WSCD2: variants seen among roughly 807,000 people sequenced by gnomAD.
WSCD2 encodes the protein sialate:O-sulfotransferase 2.
Under a neutral mutation model 55.7 loss-of-function variants are expected in WSCD2, and 28 were observed. The observed-to-expected ratio is 0.50, with a 90% CI of 0.37 to 0.69. The LOEUF is 0.69. Ranked by LOEUF, WSCD2 falls within the 30% of genes least tolerant of loss-of-function variation. The pLI is 0.00. For missense variants in WSCD2, 616 were observed against 762.1 expected (o/e 0.81, Z 2.26); for synonymous variants, 301 against 301.9 (o/e 1.00, Z 0.03).
At chr12:108,170,550 G>C (rs1880129976) in intron 1 of WSCD2, among the ~76,000 whole-genome samples, 1 of 152,124 alleles carries the variant, frequency 6.6e-6, no homozygotes, top group Non-Finnish European at 1.5e-5. Flanking sequence ...TTATGAAAAA[G>C]GATCTATGGT....
At chr12:108,176,074 C>A (rs1004465505) in intron 1 of WSCD2, among the ~76,000 whole-genome samples, 1 of 152,102 alleles carries the variant, frequency 6.6e-6, no homozygotes, top group Non-Finnish European at 1.5e-5. Context: ...CTCCTGACCT[C>A]ATGATCCGCC....
intron 6 of WSCD2, 140 bp downstream of exon 6, chr12:108,227,304 AC>A: frequency 9.6e-7 from 1 of 1,042,360 alleles, no homozygotes; most frequent in Non-Finnish European, 1.4e-6. Flanking sequence ...GATGAACTCC[AC>A]CAGGCTTAGA....
rs2137104315 is a variant in WSCD2 at position 108,210,628 on chromosome 12, G to A, written c.682+323G>A. Among the ~76,000 whole-genome samples the A allele has an allele frequency of 6.6e-6, 1 of 152,324 alleles. No homozygotes were observed. The highest frequency in any genetic ancestry group is 2.4e-5 in the African/African-American group (1 of 41,566). ...GCCTTCCCATCCTGATTTTCTCAGAGCAGACTGTCTCTAATGATGATGATG... is the reference window on the plus strand; with the variant it reads ...GCCTTCCCATCCTGATTTTCTCAGAACAGACTGTCTCTAATGATGATGATG... On this transcript the variant is annotated intron_variant, in intron 4 of 8. Transcript: ENST00000547525. The surrounding 1 kb of genome is among the most constrained non-coding windows in gnomAD (Gnocchi z 4.3).
chr12:108,191,443 C>A (rs569721568), intron 1 of WSCD2, among the ~76,000 whole-genome samples: 1 of 152,114 alleles, frequency 6.6e-6, no homozygotes, highest in East Asian at 1.9e-4. Context: ...GTCTGGGATA[C>A]CTTTGAGGAT....
chr12:108,248,709 C>T lies in WSCD2; in HGVS notation c.*366C>T, dbSNP rs946746563. On this transcript the variant is annotated 3_prime_UTR_variant, in exon 9 of 9. Coordinates refer to ENST00000547525, the MANE Select transcript of WSCD2 (RefSeq NM_014653.4). This position sits in a 1 kb window ranked among gnomAD's most constrained non-coding sequence, Gnocchi z 4.3. ...TTGCTGGATGCCCCATGGCAATTGTCAAGGCTCTTGATGCAAGAGCCCAGG... is the reference window on the plus strand; with the variant it reads ...TTGCTGGATGCCCCATGGCAATTGTTAAGGCTCTTGATGCAAGAGCCCAGG... 4.9e-6 allele frequency: 5 copies of T among 1,027,754 alleles called. No homozygotes were observed. The highest frequency in any genetic ancestry group is 5.8e-6 in the Non-Finnish European group (5 of 854,852). The allele number at this position is 1,027,754 out of a possible 1,614,324, so 63.7% of individuals were successfully genotyped here.
intron 1 of WSCD2, among the ~76,000 whole-genome samples, chr12:108,177,065 C>T (rs1033726252): frequency 1.7e-4 from 26 of 152,182 alleles, no homozygotes; most frequent in Admixed American, 1.5e-3. Flanking sequence ...TTCTGCAAGC[C>T]ATCCCAGCTC....
intron 4 of WSCD2, among the ~76,000 whole-genome samples, chr12:108,218,766 T>C (rs1306119673): frequency 6.6e-6 from 1 of 152,124 alleles, no homozygotes; most frequent in Non-Finnish European, 1.5e-5. Flanking sequence ...CATACGGAGA[T>C]GACTTGTATA....
chr12:108,201,180 G>A (rs1307272892), intron 2 of WSCD2, among the ~76,000 whole-genome samples: 1 of 152,142 alleles, frequency 6.6e-6, no homozygotes, highest in Non-Finnish European at 1.5e-5. Context: ...TGAAGTCAGG[G>A]TGTTGGCAGG....
chr12:108,247,859 T>G (rs562052794), intron 8 of WSCD2, 132 bp from the exon 9 acceptor site: 312 of 1,069,838 alleles, frequency 2.9e-4, no homozygotes, highest in Non-Finnish European at 4.0e-4. Context: ...ACCTGGCCTG[T>G]ATTATTACAG....
intron 1 of WSCD2, among the ~76,000 whole-genome samples, chr12:108,184,386 G>T (rs77469450): frequency 0.031 from 4,728 of 152,336 alleles, 186 homozygotes; most frequent in African/African-American, 0.095. Context: ...GGGGATGGCA[G>T]TTATTTTTCA....
intron 1 of WSCD2, among the ~76,000 whole-genome samples, chr12:108,162,282 G>A (rs537150501): frequency 3.9e-5 from 6 of 152,236 alleles, no homozygotes; most frequent in South Asian, 4.1e-4. Context: ...ACATCTCTCC[G>A]GAAGCTCTTG....
At chr12:108,150,901 G>A (rs1877928465) in intron 1 of WSCD2, among the ~76,000 whole-genome samples, 1 of 152,098 alleles carries the variant, frequency 6.6e-6, no homozygotes, top group African/African-American at 2.4e-5. Flanking sequence ...GCCTCCTGGT[G>A]CAGCCTGGCT....
intron 1 of WSCD2, among the ~76,000 whole-genome samples, chr12:108,182,068 ATC>A (rs1881844530): frequency 6.6e-6 from 1 of 152,208 alleles, no homozygotes; most frequent in Non-Finnish European, 1.5e-5. Context: ...CTCATGCTCT[ATC>A]TCTTTCTTTA....
At chr12:108,214,365 A>G (rs1886587781) in intron 4 of WSCD2, among the ~76,000 whole-genome samples, 1 of 152,218 alleles carries the variant, frequency 6.6e-6, no homozygotes, top group Non-Finnish European at 1.5e-5. Flanking sequence ...GAGAGCATTA[A>G]AAGGTTAGCA....
At chr12:108,144,299 C>A (rs1877166360) in intron 1 of WSCD2, among the ~76,000 whole-genome samples, 1 of 152,174 alleles carries the variant, frequency 6.6e-6, no homozygotes, top group African/African-American at 2.4e-5. Flanking sequence ...ATTCAGCATC[C>A]TTTTTCATGG....
chr12:108,236,685 G>A (rs767219032), intron 7 of WSCD2, among the ~76,000 whole-genome samples: 13 of 151,280 alleles, frequency 8.6e-5, no homozygotes, highest in Non-Finnish European at 1.3e-4. Flanking sequence ...GTCTCTCTCT[G>A]TTCTCTCTCT....
chr12:108,152,928 C>T (rs897038345), intron 1 of WSCD2, among the ~76,000 whole-genome samples: 1 of 152,114 alleles, frequency 6.6e-6, no homozygotes, highest in Non-Finnish European at 1.5e-5. Context: ...CATGGTGAAA[C>T]CCTGTCTCTA....
intron 8 of WSCD2, among the ~76,000 whole-genome samples, chr12:108,241,760 A>C (rs1889765475): frequency 6.6e-6 from 1 of 152,274 alleles, no homozygotes; most frequent in Admixed American, 6.5e-5. Context: ...GGAAACTTCC[A>C]GAAGTGATGG....
rs201886947 is a variant in WSCD2 at position 108,224,790 on chromosome 12, T to A, written c.734T>A (p.Leu245Gln). ...TTCCGCAGGCCCGACAACCTTTCCC[T>A]GGCCTTACCCGTGACAGCTGCCATG... is the stretch of plus-strand genomic sequence containing the variant. ...GCFRRPDNLS[L>Q]ALPVTAAMLN... The change falls in exon 5 of 9, where the codon CTG (leucine) becomes CAG (glutamine). Residue 245 changes from leucine to glutamine, a missense_variant. Leu to Gln is a moderately radical substitution (Grantham distance 113, BLOSUM62 -2). Coordinates refer to ENST00000547525, the MANE Select transcript of WSCD2 (RefSeq NM_014653.4). 21 of 1,613,734 alleles carry A rather than the reference T, an allele frequency of 1.3e-5. No homozygotes were observed. In the African/African-American group the frequency reaches 2.3e-4, roughly 17 times the overall value.
Sources: gnomAD v4.1 joint callset for allele counts (sites outside exome capture counted in the v4.1 genomes callset) on GRCh38, gnomAD v4.1.1 for gene constraint, Gnocchi (gnomAD v3.1) non-coding constraint, MANE v1.5 for transcripts, NCBI Gene and HGNC (gene_info 2026-07-23, HGNC 2026-07-21) for gene names.